The following SRBD1 variants were observed in gnomAD, a reference collection of about 807,000 sequenced individuals.
SRBD1 encodes S1 RNA-binding domain-containing protein 1.
A neutral mutation model predicts 115.3 loss-of-function variants in SRBD1; 88 were observed. The observed-to-expected ratio is 0.76, with a 90% CI of 0.64 to 0.91. The LOEUF is 0.91. SRBD1 is among the 40% of genes least tolerant of loss of function. The probability of loss-of-function intolerance (pLI) is 0.00; values close to 1 mark genes in which losing one functional copy is unlikely to be tolerated. For synonymous variants in SRBD1, 509 were observed against 407.7 expected (o/e 1.25, Z -2.99); for missense variants, 1,385 against 1,177.4 (o/e 1.18, Z -2.58).
intron 14 of SRBD1, among the ~76,000 whole-genome samples, chr2:45,513,249 G>C (rs1178208103): frequency 1.3e-5 from 2 of 152,108 alleles, no homozygotes; most frequent in African/African-American, 4.8e-5. Flanking sequence ...ATACGAAACT[G>C]TGTTAGCCCA....
intron 16 of SRBD1, among the ~76,000 whole-genome samples, chr2:45,420,546 A>C (rs1667965788): frequency 6.6e-6 from 1 of 152,216 alleles, no homozygotes. Flanking sequence ...ATATTGAAAG[A>C]GCTCTTTAGA....
intron 14 of SRBD1, among the ~76,000 whole-genome samples, chr2:45,512,384 C>T (rs1021351417): frequency 4.6e-5 from 7 of 152,154 alleles, no homozygotes; most frequent in African/African-American, 1.7e-4. Context: ...GCCTAGTTTA[C>T]TGAGAATACG....
intron 16 of SRBD1, among the ~76,000 whole-genome samples, chr2:45,455,238 T>C (rs1669116877): frequency 6.6e-6 from 1 of 151,946 alleles, no homozygotes; most frequent in Non-Finnish European, 1.5e-5. Flanking sequence ...TGAATTTACT[T>C]TTCCACTTCA....
At chr2:45,548,206 C>T (rs1382416951) in intron 12 of SRBD1, among the ~76,000 whole-genome samples, 1 of 150,858 alleles carries the variant, frequency 6.6e-6, no homozygotes, top group Non-Finnish European at 1.5e-5. Context: ...CAAAATAACC[C>T]AAAGAAAGCA....
intron 9 of SRBD1, 24 bp downstream of exon 9, chr2:45,573,183 T>G: frequency 6.4e-7 from 1 of 1,565,992 alleles, no homozygotes; most frequent in African/African-American, 1.4e-5. Context: ...GAAATCAGCA[T>G]GCACATGCAG....
chr2:45,485,930 TAAAGACTC>T (rs1670106257), intron 15 of SRBD1, among the ~76,000 whole-genome samples: 1 of 152,184 alleles, frequency 6.6e-6, no homozygotes. Context: ...GACCAGATTT[TAAAGACTC>T]AAAGTTTCTA....
rs370557631 is a variant in SRBD1 at position 45,603,353 on chromosome 2, T to C, written c.81-1270A>G. 1.2e-4 allele frequency among the ~76,000 whole-genome samples: 18 copies of C among 152,240 alleles called. No homozygotes were observed. In the East Asian group the frequency reaches 3.3e-3, roughly 28 times the overall value. ...CACCCCTTAGAGCATATCCCTTACA[T>C]ACAGGAACCCCAGCCCTTGGTTTTC... On this transcript the variant is annotated intron_variant, in intron 2 of 20. Transcript: ENST00000263736.
Position 45,503,876 on chromosome 2 carries a change from T to C in SRBD1, c.1875-15545A>G, listed in dbSNP as rs1440617874. On this transcript the variant is annotated intron_variant, in intron 14 of 20. Transcript: ENST00000263736. ...TTTCTATAACCTAAGACATATATTCTGTAATTCTATGGAAAAACTGTTATA... is the reference window on the plus strand; with the variant it reads ...TTTCTATAACCTAAGACATATATTCCGTAATTCTATGGAAAAACTGTTATA... 3.9e-5 allele frequency among the ~76,000 whole-genome samples: 6 copies of C among 152,260 alleles called. No individual in the cohort carries two copies. The East Asian group carries it at 1.2e-3, about 29-fold the overall frequency.
intron 11 of SRBD1, among the ~76,000 whole-genome samples, chr2:45,553,417 A>C (rs1332167869): frequency 6.6e-6 from 1 of 152,254 alleles, no homozygotes; most frequent in East Asian, 1.9e-4. Flanking sequence ...TTTGAAAAAC[A>C]TATCATAATT....
intron 16 of SRBD1, among the ~76,000 whole-genome samples, chr2:45,426,067 C>T (rs1262792077): frequency 6.6e-6 from 1 of 152,194 alleles, no homozygotes; most frequent in Non-Finnish European, 1.5e-5. Flanking sequence ...CAGATCCCAA[C>T]CCCATGGAGC....
chr2:45,598,475 G>A (rs1280074913), intron 4 of SRBD1, among the ~76,000 whole-genome samples: 11 of 151,966 alleles, frequency 7.2e-5, no homozygotes, highest in African/African-American at 2.4e-4. Flanking sequence ...TTAGCCGGGC[G>A]TGGTGGCAGG....
chr2:45,598,809 C>T (rs1673989616), intron 4 of SRBD1, among the ~76,000 whole-genome samples: 1 of 151,916 alleles, frequency 6.6e-6, no homozygotes, highest in Non-Finnish European at 1.5e-5. Flanking sequence ...GGAAGTCACC[C>T]CCACCTACCC....
intron 14 of SRBD1, among the ~76,000 whole-genome samples, chr2:45,524,584 C>CA (rs1414700735): frequency 2.6e-5 from 4 of 151,904 alleles, no homozygotes; most frequent in Middle Eastern, 6.8e-3. Context: ...ATAAAGTTAA[C>CA]AAAAGAAGTA....
Position 45,601,891 on chromosome 2 carries a change from T to G in SRBD1, c.261+12A>C. ...CACTACAGAGTTCCCTCTATCCAGC[T>G]GTAGCACCTACCAGCTCCTCCTTAA... is the stretch of plus-strand genomic sequence containing the variant. On this transcript the variant is annotated intron_variant, in intron 3 of 20. Transcript: ENST00000263736. The G allele has an allele frequency of 6.2e-7, 1 of 1,613,980 alleles. No individual in the cohort carries two copies. The highest frequency in any genetic ancestry group is 8.5e-7 in the Non-Finnish European group (1 of 1,179,900).
chr2:45,473,396 G>T (rs1376501414), intron 16 of SRBD1, among the ~76,000 whole-genome samples: 1 of 151,970 alleles, frequency 6.6e-6, no homozygotes, highest in Non-Finnish European at 1.5e-5. Context: ...AAAACTATCA[G>T]GCTCAACTAT....
chr2:45,609,861 CAA>C (rs994800013), intron 1 of SRBD1, among the ~76,000 whole-genome samples: 12 of 152,286 alleles, frequency 7.9e-5, no homozygotes, highest in African/African-American at 2.6e-4. Flanking sequence ...GCACTGCTGT[CAA>C]GAGAGTAAAT....
Position 45,396,818 on chromosome 2 carries a change from G to C in SRBD1, c.2514-3689C>G, listed in dbSNP as rs1363079118. Among the ~76,000 whole-genome samples the C allele has an allele frequency of 9.9e-5, 15 of 152,236 alleles. No individual in the cohort carries two copies. The South Asian group carries it at 3.1e-3, about 32-fold the overall frequency. ...TCCAGCATGGAGATTTAGGAGCTGAGGACTTGGTTCATTACATTAAAGCAA... is the reference window on the plus strand; with the variant it reads ...TCCAGCATGGAGATTTAGGAGCTGACGACTTGGTTCATTACATTAAAGCAA... On this transcript the variant is annotated intron_variant, in intron 19 of 20. Coordinates refer to ENST00000263736, the MANE Select transcript of SRBD1 (RefSeq NM_018079.5).
intron 10 of SRBD1, among the ~76,000 whole-genome samples, chr2:45,555,189 T>C (rs1479923870): frequency 1.3e-5 from 2 of 152,282 alleles, no homozygotes; most frequent in East Asian, 3.9e-4. Context: ...AGTTCAAGAC[T>C]AGTCTGGGCA....
intron 19 of SRBD1, among the ~76,000 whole-genome samples, chr2:45,397,262 T>C (rs374127856): frequency 9.9e-5 from 15 of 152,230 alleles, no homozygotes; most frequent in African/African-American, 3.6e-4. Context: ...GCAAGTTCAG[T>C]AGTAATTTGT....
Sources: allele counts gnomAD v4.1 joint callset (sites outside exome capture counted in the v4.1 genomes callset), GRCh38; gene constraint gnomAD v4.1.1; transcripts MANE v1.5; gene names NCBI Gene and HGNC (gene_info 2026-07-23, HGNC 2026-07-21).